Variants in PHF19 observed in about 807,000 individuals in gnomAD.
PHF19 encodes the protein PHD finger protein 19, also known as polycomb like 3.
In PHF19, 21 loss-of-function variants were observed where a neutral mutation model predicts 79.8. That is an observed-to-expected ratio of 0.26 (90% CI 0.19 to 0.38). The LOEUF (loss-of-function observed/expected upper bound fraction) is 0.38. Among genes scored for constraint, PHF19 ranks in the 10% least tolerant of loss-of-function variants. PHF19 has a pLI of 1.00. For missense variants in PHF19, 445 were observed against 744.2 expected (o/e 0.60, Z 4.68); for synonymous variants, 273 against 296.3 (o/e 0.92, Z 0.81).
At position 120,869,545 on chromosome 9, in the gene PHF19, A is replaced by G. The variant is rs1054143238; in HGVS notation, c.466-215T>C. 2.8e-6 allele frequency: 4 copies of G among 1,429,200 alleles called. No homozygotes were observed. Among genetic ancestry groups the G allele is most frequent in the South Asian group, 1.5e-5 (1 of 67,868 alleles). The allele number at this position is 1,429,200 out of a possible 1,614,324, so 88.5% of individuals were successfully genotyped here. Reference sequence around the variant, plus strand: ...GTTGATAACAGAATTAAGAGTAATAAGCGCAATAAAGGCAACAATTACCAA... The same window carrying G: ...GTTGATAACAGAATTAAGAGTAATAGGCGCAATAAAGGCAACAATTACCAA... On this transcript the variant is annotated intron_variant, in intron 5 of 14. Coordinates refer to ENST00000373896, the MANE Select transcript of PHF19 (RefSeq NM_015651.3). The surrounding 1 kb of genome is among the most constrained non-coding windows in gnomAD (Gnocchi z 5.8).
In PHF19 at chr9:120,874,705, A is replaced by G. The variant is rs750668014; in HGVS notation, c.37T>C (p.Ser13Pro). 1 of 1,613,776 alleles carries G rather than the reference A, an allele frequency of 6.2e-7. No individual in the cohort carries two copies. Among genetic ancestry groups the G allele is most frequent in the South Asian group, 1.1e-5 (1 of 91,080 alleles). Reference sequence around the variant, plus strand: ...GGGAGGTGGCTGGTGGCACCATAGGAGTCCCGAGTCCCTGGATCCAGAGCT... The same window carrying G: ...GGGAGGTGGCTGGTGGCACCATAGGGGTCCCGAGTCCCTGGATCCAGAGCT... ...NRALDPGTRDSYGATSHLPNK... is the reference protein window; with the variant it reads ...NRALDPGTRDPYGATSHLPNK... Residue 13 changes from serine to proline, a missense_variant, in exon 2 of 15, where the codon TCC (serine) becomes CCC (proline). Physicochemically the swap from Ser to Pro is moderately conservative, Grantham distance 74. Around this residue, in one of 5 missense-constraint regions of PHF19, gnomAD observed 50 missense variants for 54.8 expected, o/e 0.91. Coordinates refer to ENST00000373896, the MANE Select transcript of PHF19 (RefSeq NM_015651.3). This position sits in a 1 kb window ranked among gnomAD's most constrained non-coding sequence, Gnocchi z 4.5.
chr9:120,868,755 A>C, intron 6 of PHF19: 14 of 787,632 alleles, frequency 1.8e-5, no homozygotes, highest in African/African-American at 2.1e-5. Flanking sequence ...AGGCCTTACT[A>C]TTCCCTCCTC....
In PHF19 at chr9:120,868,798, C is replaced by T; in HGVS notation, c.614+384G>A. The T allele has an allele frequency of 3.0e-6, 3 of 1,007,850 alleles. No individual in the cohort carries two copies. The South Asian group carries it at 1.3e-4, about 43-fold the overall frequency. The allele number at this position is 1,007,850 out of a possible 1,614,324, so 62.4% of individuals were successfully genotyped here. A position where few individuals can be genotyped will look rare whatever the true frequency, so the allele number is the denominator to read the frequency against. ...CGCCCCTCCACAGGGTGCTTCTCGACCTGCCTCACCTCCCTGGGGCCCTGC... is the reference window on the plus strand; with the variant it reads ...CGCCCCTCCACAGGGTGCTTCTCGATCTGCCTCACCTCCCTGGGGCCCTGC... On this transcript the variant is annotated intron_variant, in intron 6 of 14. Coordinates refer to ENST00000373896, the MANE Select transcript of PHF19 (RefSeq NM_015651.3).
intron 1 of PHF19, among the ~76,000 whole-genome samples, chr9:120,892,911 C>CT (rs1386615377): frequency 1.3e-5 from 2 of 152,168 alleles, no homozygotes; most frequent in African/African-American, 4.8e-5. Context: ...GAAATGAGGG[C>CT]AGGATGGTAG....
At chr9:120,875,483 C>T (rs1404052127) in intron 1 of PHF19, among the ~76,000 whole-genome samples, 2 of 152,228 alleles carry the variant, frequency 1.3e-5, no homozygotes, top group Non-Finnish European at 2.9e-5. Context: ...CTCTCCCTGC[C>T]TGTGGTACTG....
rs148755947 is a variant in PHF19 at position 120,866,323 on chromosome 9, G to GT, written c.711-228dup. ...TCCTTCCCAAATCTTGCCCTGAAGC[G>GT]TGGCTGAGTTCACAGAGAGTGAGCT... On this transcript the variant is annotated intron_variant, in intron 7 of 14. Coordinates refer to ENST00000373896, the MANE Select transcript of PHF19 (RefSeq NM_015651.3). This position sits in a 1 kb window ranked among gnomAD's most constrained non-coding sequence, Gnocchi z 5.2. 0.016 allele frequency among the ~76,000 whole-genome samples: 2,444 copies of GT among 152,228 alleles called. 66 individuals are homozygous for GT. The highest frequency in any genetic ancestry group is 0.055 in the African/African-American group (2,281 of 41,530).
chr9:120,880,690 G>A (rs147526771), upstream of PHF19, among the ~76,000 whole-genome samples: 2 of 152,300 alleles, frequency 1.3e-5, no homozygotes, highest in African/African-American at 2.4e-5. Context: ...AGCTGGGCCC[G>A]TGGCTCAAGT....
intron 1 of PHF19, among the ~76,000 whole-genome samples, chr9:120,892,351 C>T (rs531712129): frequency 6.6e-6 from 1 of 152,070 alleles, no homozygotes; most frequent in African/African-American, 2.4e-5. Flanking sequence ...AGTGGGGAGG[C>T]GGTGGGGAGC....
chr9:120,862,811 G>A lies in PHF19; in HGVS notation c.969-62C>T. On this transcript the variant is annotated intron_variant, in intron 10 of 14. Transcript: ENST00000373896. The surrounding 1 kb of genome is among the most constrained non-coding windows in gnomAD (Gnocchi z 4.6). ...CTGTCAGTCCATCCTCCTGGGGAGT[G>A]GGGTCAAGCATGACACAAGCCTCTC... 6.6e-7 allele frequency: 1 copy of A among 1,522,234 alleles called. No homozygotes were observed. The highest frequency in any genetic ancestry group is 1.7e-5 in the Admixed American group (1 of 59,528). 94.3% of individuals were successfully genotyped at this position (1,522,234 alleles called of 1,614,324 possible).
chr9:120,864,545 AT>A (rs142677572), intron 9 of PHF19, among the ~76,000 whole-genome samples: 1,669 of 152,246 alleles, frequency 0.011, 33 homozygotes, highest in African/African-American at 0.038. Context: ...CAGCCATGAA[AT>A]TTGGCGGGCG....
At chr9:120,902,977 A>G in the PHF19 span, 1 of 152,208 alleles carries the variant, frequency 6.6e-6, no homozygotes, top group African/African-American at 2.4e-5. Context: ...TAGGCAATCA[A>G]AAGTGTAGAG....
chr9:120,880,515 A>G (rs2046163651), upstream of PHF19, among the ~76,000 whole-genome samples: 1 of 152,108 alleles, frequency 6.6e-6, no homozygotes, highest in Non-Finnish European at 1.5e-5. Context: ...AGCAGACCAG[A>G]TAGATTAATT....
At position 120,870,595 on chromosome 9, in the gene PHF19, TCA is replaced by T. The variant is rs1332962279; in HGVS notation, c.269-59_269-58del. 1 of 1,030,634 alleles carries T rather than the reference TCA, an allele frequency of 9.7e-7. No individual in the cohort carries two copies. 63.8% of individuals were successfully genotyped at this position (1,030,634 alleles called of 1,614,324 possible). A position where few individuals can be genotyped will look rare whatever the true frequency, so the allele number is the denominator to read the frequency against. On this transcript the variant is annotated intron_variant, in intron 3 of 14. Transcript: ENST00000373896. The surrounding 1 kb of genome is among the most constrained non-coding windows in gnomAD (Gnocchi z 4.4). ...GCTCACAGGAATGGAAGTTTTATAC[TCA>T]CATTCCAGATGCCCAGCCTCTAATG...
At chr9:120,883,324 A>C (rs1265003869) in intron 1 of PHF19, among the ~76,000 whole-genome samples, 1 of 151,738 alleles carries the variant, frequency 6.6e-6, no homozygotes, top group Non-Finnish European at 1.5e-5. Flanking sequence ...TAGTCTCCCC[A>C]TCTGTTAAAG....
chr9:120,869,092 C>A lies in PHF19; in HGVS notation c.614+90G>T. ...CCCTCAAGGTCCCCGCCTTGGCTGA[C>A]ACGCCAGGCTCGCTCCCTATGGGCG... On this transcript the variant is annotated intron_variant, in intron 6 of 14. Transcript: ENST00000373896. The surrounding 1 kb of genome is among the most constrained non-coding windows in gnomAD (Gnocchi z 5.8). The A allele has an allele frequency of 1.5e-6, 2 of 1,368,846 alleles. No homozygotes were observed. The highest frequency in any genetic ancestry group is 1.9e-6 in the Non-Finnish European group (2 of 1,031,546). The allele number at this position is 1,368,846 out of a possible 1,614,324, so 84.8% of individuals were successfully genotyped here. A position where few individuals can be genotyped will look rare whatever the true frequency, so the allele number is the denominator to read the frequency against.
rs1364720009 is a variant in PHF19 at position 120,860,020 on chromosome 9, G to A, written c.1400+70C>T. 3 of 782,538 alleles carry A rather than the reference G, an allele frequency of 3.8e-6. No individual in the cohort carries two copies. The highest frequency in any genetic ancestry group is 6.7e-6 in the Non-Finnish European group (3 of 445,514). 48.5% of individuals were successfully genotyped at this position (782,538 alleles called of 1,614,324 possible). ...AGAATGAGCCACACATTACAGAAGT[G>A]GGAGGTGGAGGGGCTGAGAGGAATG... is the stretch of plus-strand genomic sequence containing the variant. On this transcript the variant is annotated intron_variant, in intron 14 of 14. Coordinates refer to ENST00000373896, the MANE Select transcript of PHF19 (RefSeq NM_015651.3). The surrounding 1 kb of genome is among the most constrained non-coding windows in gnomAD (Gnocchi z 4.1).
chr9:120,867,495 G>A (rs2045739758), intron 6 of PHF19, among the ~76,000 whole-genome samples: 1 of 152,208 alleles, frequency 6.6e-6, no homozygotes, highest in Non-Finnish European at 1.5e-5. Context: ...AGAGCAAAAT[G>A]CTCAATGCTT....
chr9:120,876,924 A>C, intron 1 of PHF19, 167 bp downstream of exon 1: 1 of 944,276 alleles, frequency 1.1e-6, no homozygotes, highest in Non-Finnish European at 1.3e-6. Flanking sequence ...TCTGCCCCGC[A>C]GGTAACCTGC....
upstream of PHF19, among the ~76,000 whole-genome samples, chr9:120,897,701 G>A (rs1162886021): frequency 1.3e-5 from 2 of 151,846 alleles, no homozygotes; most frequent in Admixed American, 6.6e-5. Context: ...ATTCTCAGCC[G>A]GGCATGGTGG....
Sources: allele counts gnomAD v4.1 joint callset (sites outside exome capture counted in the v4.1 genomes callset), GRCh38; gene constraint gnomAD v4.1.1; regional missense constraint gnomAD v4.1.1; non-coding constraint Gnocchi (gnomAD v3.1); transcripts MANE v1.5; gene names NCBI Gene and HGNC (gene_info 2026-07-23, HGNC 2026-07-21).